Variants in MAP2K5 observed in about 807,000 individuals in gnomAD.
MAP2K5 encodes dual specificity mitogen-activated protein kinase kinase 5.
A neutral mutation model predicts 83.1 loss-of-function variants in MAP2K5; 49 were observed. The ratio of observed to expected loss-of-function variants is 0.59; its 90% CI spans 0.47 to 0.75. The LOEUF is 0.75. Ranked by LOEUF, MAP2K5 falls within the 30% of genes least tolerant of loss-of-function variation. MAP2K5 has a pLI of 0.00. For synonymous variants in MAP2K5, 202 were observed against 191.8 expected, an observed-to-expected ratio of 1.05 and a Z score of -0.44; for missense variants, 457 against 557.5, an observed-to-expected ratio of 0.82 and a Z score of 1.82.
rs950133773 is a variant in MAP2K5, at chr15:67,628,824, G to C, written c.546-2064G>C. ...AGTGGGAATGACAATTTTGGTCATG[G>C]ACGAAACTTCAGTGGTCATGGTGGC... On this transcript the variant is annotated intron_variant, in intron 8 of 21. Transcript: ENST00000178640. 16 of 750,058 alleles carry C rather than the reference G, an allele frequency of 2.1e-5. 1 individual carries two copies. The highest frequency in any genetic ancestry group is 3.4e-5 in the Non-Finnish European group (14 of 409,458). 46.5% of individuals were successfully genotyped at this position (750,058 alleles called of 1,614,324 possible). A position where few individuals can be genotyped will look rare whatever the true frequency, so the allele number is the denominator to read the frequency against.
In MAP2K5 at chr15:67,738,118, C is replaced by G. The variant is rs1481161202; in HGVS notation, c.1075-10113C>G. 6.6e-6 allele frequency among the ~76,000 whole-genome samples: 1 copy of G among 152,130 alleles called. No homozygotes were observed. Among genetic ancestry groups the G allele is most frequent in the East Asian group, 1.9e-4 (1 of 5,180 alleles). On this transcript the variant is annotated intron_variant, in intron 17 of 21. Coordinates refer to ENST00000178640, the MANE Select transcript of MAP2K5 (RefSeq NM_145160.3). The surrounding 1 kb of genome is among the most constrained non-coding windows in gnomAD (Gnocchi z 4.1). The stretch of plus-strand genomic sequence containing the variant: ...CTGCCTGCCTCAGCCTCCCAGAGTA[C>G]TGGGATTACAGGCGTGAGCCACTGC...
chr15:67,731,860 C>G (rs535072023), intron 17 of MAP2K5, among the ~76,000 whole-genome samples: 2 of 152,282 alleles, frequency 1.3e-5, no homozygotes, highest in East Asian at 1.9e-4. Flanking sequence ...CTAGTTTGCC[C>G]TCTCTGCCCT....
rs977799375 is a variant in MAP2K5 at position 67,664,754 on chromosome 15, C to A, written c.847+109C>A. The A allele has an allele frequency of 4.6e-6, 3 of 645,372 alleles. No homozygotes were observed. The African/African-American group carries it at 5.5e-5, about 12-fold the overall frequency. 40.0% of individuals were successfully genotyped at this position (645,372 alleles called of 1,614,324 possible). ...CTGACATTTAAGCCAGCTGATACAT[C>A]TGGTACTCAAAAAGATGGCTGCTCT... On this transcript the variant is annotated intron_variant, in intron 13 of 21. Coordinates refer to ENST00000178640, the MANE Select transcript of MAP2K5 (RefSeq NM_145160.3).
chr15:67,797,044 T>C (rs748746614), intron 21 of MAP2K5, among the ~76,000 whole-genome samples: 1 of 152,216 alleles, frequency 6.6e-6, no homozygotes, highest in Non-Finnish European at 1.5e-5. Context: ...TGTTTCCTGC[T>C]AAAATCAGAA....
At chr15:67,727,168 C>G (rs893656309) in intron 16 of MAP2K5, among the ~76,000 whole-genome samples, 3 of 152,204 alleles carry the variant, frequency 2.0e-5, no homozygotes, top group African/African-American at 7.2e-5. Context: ...CCACTGCACT[C>G]CAGTCTGGGT....
chr15:67,670,998 G>C (rs754850048), intron 13 of MAP2K5, among the ~76,000 whole-genome samples: 1 of 152,178 alleles, frequency 6.6e-6, no homozygotes, highest in Non-Finnish European at 1.5e-5. Flanking sequence ...AAGGAATAAG[G>C]CTTTATCTGA....
chr15:67,692,691 TATTC>T, intron 14 of MAP2K5, 139 bp downstream of exon 14: 1 of 620,908 alleles, frequency 1.6e-6, no homozygotes, highest in South Asian at 2.2e-5. Flanking sequence ...GGGAGTGTGT[TATTC>T]ATTTTTAATC....
intron 19 of MAP2K5, among the ~76,000 whole-genome samples, chr15:67,767,374 G>A (rs1263840266): frequency 6.6e-6 from 1 of 151,974 alleles, no homozygotes; most frequent in Non-Finnish European, 1.5e-5. Flanking sequence ...TAACCATCTT[G>A]GTAAATATTG....
intron 1 of MAP2K5, chr15:67,549,235 G>A: frequency 6.6e-7 from 1 of 1,504,966 alleles, no homozygotes; most frequent in Non-Finnish European, 8.9e-7. Context: ...ATTCAATTAA[G>A]CTGTCTCAGT....
intron 6 of MAP2K5, among the ~76,000 whole-genome samples, chr15:67,590,120 GGACATTAAAGTCAAGAACCCTTGGATGAA>G (rs1331021587): frequency 6.6e-6 from 1 of 152,028 alleles, no homozygotes; most frequent in Non-Finnish European, 1.5e-5. Context: ...AGATGTGGTG[GGACATTAAAGTCAAGAACCCTTGGATGAA>G]GACATGCTTT....
At chr15:67,615,566 A>T (rs988485349) in intron 8 of MAP2K5, among the ~76,000 whole-genome samples, 4 of 152,186 alleles carry the variant, frequency 2.6e-5, no homozygotes, top group African/African-American at 9.7e-5. Context: ...TTAGTATGTG[A>T]CAGAATACTA....
At chr15:67,597,443 A>G (rs2085552474) in intron 7 of MAP2K5, among the ~76,000 whole-genome samples, 1 of 152,230 alleles carries the variant, frequency 6.6e-6, no homozygotes, top group African/African-American at 2.4e-5. Flanking sequence ...GAGTATACTG[A>G]AAGACTGAGT....
At chr15:67,800,814 A>C (rs768686810) in intron 21 of MAP2K5, among the ~76,000 whole-genome samples, 2 of 152,032 alleles carry the variant, frequency 1.3e-5, no homozygotes, top group South Asian at 4.2e-4. Context: ...TCTTTTTTCA[A>C]ATGACCAGTG....
rs960590915 is a variant in MAP2K5 at position 67,561,904 on chromosome 15, A to G, written c.185-1379A>G. Among the ~76,000 whole-genome samples, 3 of 152,160 alleles carry G rather than the reference A, an allele frequency of 2.0e-5. No individual in the cohort carries two copies. The highest frequency in any genetic ancestry group is 1.5e-5 in the Non-Finnish European group (1 of 68,026). ...ACCCACTGACTTGTGGTAGGGGAAG[A>G]TCCCTGTGTTGAACTGAACTCCCTC... On this transcript the variant is annotated intron_variant, in intron 2 of 21. Transcript: ENST00000178640. The surrounding 1 kb of genome is among the most constrained non-coding windows in gnomAD (Gnocchi z 4.2).
In MAP2K5 at chr15:67,769,731, G is replaced by A. The variant is rs553478847; in HGVS notation, c.1196+68G>A. The A allele has an allele frequency of 2.7e-5, 40 of 1,505,584 alleles. No homozygotes were observed. The highest frequency in any genetic ancestry group is 1.7e-4 in the Admixed American group (10 of 58,580). The allele number at this position is 1,505,584 out of a possible 1,614,324, so 93.3% of individuals were successfully genotyped here. On this transcript the variant is annotated intron_variant, in intron 20 of 21. Transcript: ENST00000178640. This position sits in a 1 kb window ranked among gnomAD's most constrained non-coding sequence, Gnocchi z 5.2. ...TACATGCCATTAACTCGGCAGCTCC[G>A]TGAGACCTTATGGCTCTCCCTGCAT...
rs936175089 is a variant in MAP2K5 at position 67,563,672 on chromosome 15, G to T, written c.252+322G>T. 6.6e-6 allele frequency among the ~76,000 whole-genome samples: 1 copy of T among 151,702 alleles called. No homozygotes were observed. Among genetic ancestry groups the T allele is most frequent in the Non-Finnish European group, 1.5e-5 (1 of 67,948 alleles). On this transcript the variant is annotated intron_variant, in intron 3 of 21. Coordinates refer to ENST00000178640, the MANE Select transcript of MAP2K5 (RefSeq NM_145160.3). The surrounding 1 kb of genome is among the most constrained non-coding windows in gnomAD (Gnocchi z 4.5). ...ACGGCTCATTAAAAATGAACCCCTG[G>T]GCTCTAAAAAATTTTTCAAAATCTA...
At chr15:67,772,435 A>T (rs572893950) in intron 20 of MAP2K5, among the ~76,000 whole-genome samples, 1 of 152,144 alleles carries the variant, frequency 6.6e-6, no homozygotes, top group South Asian at 2.1e-4. Context: ...CATTTAATTT[A>T]AATTCATTCT....
intron 2 of MAP2K5, among the ~76,000 whole-genome samples, chr15:67,550,970 C>G (rs1425411177): frequency 6.6e-6 from 1 of 152,026 alleles, no homozygotes; most frequent in East Asian, 1.9e-4. Context: ...CAGGGTTTTG[C>G]CATGTTGGCC....
Position 67,702,484 on chromosome 15 carries a change from C to CATT in MAP2K5, c.973-852_973-851insTTA, listed in dbSNP as rs1474191854. Among the ~76,000 whole-genome samples the CATT allele has an allele frequency of 1.3e-5, 2 of 152,202 alleles. No individual in the cohort carries two copies. Among genetic ancestry groups the CATT allele is most frequent in the African/African-American group, 4.8e-5 (2 of 41,442 alleles). ...GCCATGATTAGCCTGTAACCTTTAG[C>CATT]AATCATTCCACCTTTGTGAGACCTC... On this transcript the variant is annotated intron_variant, in intron 15 of 21. Transcript: ENST00000178640. This position sits in a 1 kb window ranked among gnomAD's most constrained non-coding sequence, Gnocchi z 4.6.
Sources: allele counts gnomAD v4.1 joint callset (sites outside exome capture counted in the v4.1 genomes callset), GRCh38; gene constraint gnomAD v4.1.1; non-coding constraint Gnocchi (gnomAD v3.1); transcripts MANE v1.5; gene names NCBI Gene and HGNC (gene_info 2026-07-23, HGNC 2026-07-21).